ROBO1: variants seen among roughly 807,000 people sequenced by gnomAD.
ROBO1 encodes the protein roundabout guidance receptor 1, also known as roundabout homolog 1.
A neutral mutation model predicts 195.9 loss-of-function variants in ROBO1; 149 were observed. The ratio of observed to expected loss-of-function variants is 0.76; its 90% CI spans 0.67 to 0.87. ROBO1 has a LOEUF of 0.87. Among genes scored for constraint, ROBO1 ranks in the 40% least tolerant of loss-of-function variants. ROBO1 has a pLI of 0.00. For synonymous variants in ROBO1, 816 were observed against 733.2 expected, an observed-to-expected ratio of 1.11 and a Z score of -1.82; for missense variants, 1,933 against 2,068.3, an observed-to-expected ratio of 0.93 and a Z score of 1.27.
At position 78,606,811 on chromosome 3, in the gene ROBO1, G is replaced by A. The variant is rs1240521234; in HGVS notation, c.4666C>T (p.Gln1556Ter). The A allele has an allele frequency of 6.2e-7, 1 of 1,613,874 alleles. No homozygotes were observed. The highest frequency in any genetic ancestry group is 8.5e-7 in the Non-Finnish European group (1 of 1,179,864). Residue 1556 changes from glutamine to a stop codon, truncating the protein, a stop_gained, in exon 29 of 31, where the codon CAG becomes TAG. Coordinates refer to ENST00000464233, the MANE Select transcript of ROBO1 (RefSeq NM_002941.4). LOFTEE classifies it high-confidence loss of function. ...NPGDPREAQE[Q>*]QNDGKGRGNK... ...CCACGTCCTTTCCCGTCATTTTGCT[G>A]TTCCTGTGCTTCTCTGGGATCACCT...
chr3:79,433,053 C>T lies in ROBO1; in HGVS notation c.88+156771G>A, dbSNP rs1451917024. ...TATTTGAAGTTCAGGGGTACATGTGCCGATGTGTGGGTATGTTACATAGTT... is the reference window on the plus strand; with the variant it reads ...TATTTGAAGTTCAGGGGTACATGTGTCGATGTGTGGGTATGTTACATAGTT... On this transcript the variant is annotated intron_variant, in intron 2 of 30. Coordinates refer to ENST00000464233, the MANE Select transcript of ROBO1 (RefSeq NM_002941.4). Among the ~76,000 whole-genome samples the T allele has an allele frequency of 2.0e-5, 3 of 152,132 alleles. No individual in the cohort carries two copies. The South Asian group carries it at 6.2e-4, about 31-fold the overall frequency.
intron 3 of ROBO1, among the ~76,000 whole-genome samples, chr3:78,970,684 T>C (rs1215004904): frequency 6.6e-6 from 1 of 152,126 alleles, no homozygotes; most frequent in Admixed American, 6.6e-5. Context: ...AAAAAAATCT[T>C]TGCAGAGGTA....
chr3:78,678,401 G>A (rs1218166527), intron 10 of ROBO1, among the ~76,000 whole-genome samples: 2 of 151,972 alleles, frequency 1.3e-5, no homozygotes, highest in African/African-American at 4.8e-5. Flanking sequence ...TTTTTTGAAA[G>A]GATCAACAAA....
intron 5 of ROBO1, among the ~76,000 whole-genome samples, chr3:78,740,778 A>T (rs2082512600): frequency 6.6e-6 from 1 of 152,088 alleles, no homozygotes; most frequent in African/African-American, 2.4e-5. Flanking sequence ...TGGCAAAAGG[A>T]ACTTTTTTCA....
At chr3:78,625,837 C>T (rs1314767052) in intron 26 of ROBO1, among the ~76,000 whole-genome samples, 2 of 151,688 alleles carry the variant, frequency 1.3e-5, no homozygotes, top group African/African-American at 2.4e-5. Context: ...GGTGCGAATG[C>T]GAATCAGGAA....
At chr3:78,788,440 T>TTTAAA (rs1553728992) in intron 4 of ROBO1, among the ~76,000 whole-genome samples, 1 of 75,762 alleles carries the variant, frequency 1.3e-5, no homozygotes, top group Non-Finnish European at 2.5e-5. Context: ...TTTTTTTTTT[T>TTTAAA]AAAAAAAAAA....
chr3:79,195,752 G>T (rs185029694), intron 2 of ROBO1, among the ~76,000 whole-genome samples: 144 of 150,906 alleles, frequency 9.5e-4, no homozygotes, highest in African/African-American at 3.3e-3. Context: ...TTACTTCTTT[G>T]TTTTTTTCAG....
intron 30 of ROBO1, among the ~76,000 whole-genome samples, chr3:78,599,711 T>A (rs1395901446): frequency 6.6e-6 from 1 of 152,158 alleles, no homozygotes; most frequent in African/African-American, 2.4e-5. Context: ...CCAGCCACAT[T>A]ACCCTGGTGC....
At chr3:79,507,201 T>A (rs1302648379) in intron 2 of ROBO1, among the ~76,000 whole-genome samples, 1 of 152,108 alleles carries the variant, frequency 6.6e-6, no homozygotes, top group Non-Finnish European at 1.5e-5. Flanking sequence ...AAGAACTACA[T>A]CCCTTGTGAC....
intron 4 of ROBO1, among the ~76,000 whole-genome samples, chr3:78,875,243 T>C (rs1046075647): frequency 6.6e-6 from 1 of 151,968 alleles, no homozygotes; most frequent in Non-Finnish European, 1.5e-5. Flanking sequence ...AGATTATAAA[T>C]GATTAGAAAA....
intron 4 of ROBO1, among the ~76,000 whole-genome samples, chr3:78,802,112 G>A (rs937951200): frequency 2.0e-5 from 3 of 152,036 alleles, no homozygotes; most frequent in African/African-American, 7.2e-5. Flanking sequence ...AACAGGCTAG[G>A]AAGTTATACT....
At chr3:79,118,958 T>G (rs1424667741) in intron 3 of ROBO1, among the ~76,000 whole-genome samples, 2 of 152,148 alleles carry the variant, frequency 1.3e-5, no homozygotes. Context: ...AATCAAGATT[T>G]AAAATATTTT....
chr3:79,618,537 G>A (rs1403032854), intron 1 of ROBO1, among the ~76,000 whole-genome samples: 1 of 152,070 alleles, frequency 6.6e-6, no homozygotes, highest in Non-Finnish European at 1.5e-5. Flanking sequence ...TGCCACCCCT[G>A]CCCACAAGAG....
intron 1 of ROBO1, among the ~76,000 whole-genome samples, chr3:79,648,111 T>A (rs1405286564): frequency 6.6e-6 from 1 of 152,082 alleles, no homozygotes; most frequent in African/African-American, 2.4e-5. Flanking sequence ...GAGTTAGAAC[T>A]GAGATACCCA....
chr3:79,207,337 G>A (rs1396720676), intron 2 of ROBO1, among the ~76,000 whole-genome samples: 2 of 152,104 alleles, frequency 1.3e-5, no homozygotes, highest in Admixed American at 6.5e-5. Context: ...TTTTGAAGGA[G>A]GTCAATCATG....
At chr3:79,432,715 C>G (rs939563162) in intron 2 of ROBO1, among the ~76,000 whole-genome samples, 3 of 152,082 alleles carry the variant, frequency 2.0e-5, no homozygotes, top group African/African-American at 7.2e-5. Flanking sequence ...CACCCTACCC[C>G]ACTCAGGGTT....
In ROBO1 at chr3:79,175,083, T is replaced by A. The variant is rs1333736653; in HGVS notation, c.89-49544A>T. Among the ~76,000 whole-genome samples the A allele has an allele frequency of 2.0e-5, 3 of 152,214 alleles. No homozygotes were observed. The East Asian group carries it at 5.8e-4, about 29-fold the overall frequency. On this transcript the variant is annotated intron_variant, in intron 2 of 30. Coordinates refer to ENST00000464233, the MANE Select transcript of ROBO1 (RefSeq NM_002941.4). ...TACTGTTAATATTTATTTTTCATTT[T>A]AAATTGAAAATGTTTTTTCAGGTAA...
intron 4 of ROBO1, among the ~76,000 whole-genome samples, chr3:78,804,302 T>G (rs2084462720): frequency 6.6e-6 from 1 of 152,200 alleles, no homozygotes; most frequent in African/African-American, 2.4e-5. Context: ...TGAAATGCTC[T>G]GATTTTTTTT....
intron 3 of ROBO1, among the ~76,000 whole-genome samples, chr3:78,944,563 C>T (rs558253536): frequency 2.2e-4 from 34 of 152,206 alleles, no homozygotes; most frequent in Non-Finnish European, 4.1e-4. Context: ...GGAACAGCTC[C>T]GGTCTACAGC....
Sources: allele counts gnomAD v4.1 joint callset (sites outside exome capture counted in the v4.1 genomes callset), GRCh38; gene constraint gnomAD v4.1.1; transcripts MANE v1.5; gene names NCBI Gene and HGNC (gene_info 2026-07-23, HGNC 2026-07-21).